Variants in CNGB3 observed in about 807,000 individuals in gnomAD.
CNGB3 encodes the protein cyclic nucleotide gated channel subunit beta 3.
A neutral mutation model predicts 92.8 loss-of-function variants in CNGB3; 86 were observed. The ratio of observed to expected loss-of-function variants is 0.93; its 90% confidence interval spans 0.78 to 1.11. The LOEUF (loss-of-function observed/expected upper bound fraction) is 1.11. Ranked by LOEUF, CNGB3 falls within the 50% of genes least tolerant of loss-of-function variation. The probability of loss-of-function intolerance (pLI) is 0.00; values close to 1 mark genes in which losing one functional copy is unlikely to be tolerated. For missense variants in CNGB3, 1,026 were observed against 956.8 expected (o/e 1.07, Z -0.95); for synonymous variants, 333 against 332.7 (o/e 1.00, Z -0.01).
chr8:86,742,492 G>A (rs1825359977), intron 1 of CNGB3, among the ~76,000 whole-genome samples: 1 of 152,080 alleles, frequency 6.6e-6, no homozygotes. Context: ...TCTCAGTGTT[G>A]TCTATCCTCT....
chr8:86,743,052 C>G (rs962184570), intron 1 of CNGB3, among the ~76,000 whole-genome samples: 5 of 152,026 alleles, frequency 3.3e-5, no homozygotes, highest in Admixed American at 3.3e-4. Flanking sequence ...TGAAAGTGTC[C>G]CCAGATTTGC....
intron 14 of CNGB3, among the ~76,000 whole-genome samples, chr8:86,605,782 A>T (rs1004507062): frequency 6.6e-6 from 1 of 152,152 alleles, no homozygotes; most frequent in Admixed American, 6.5e-5. Context: ...TCTCTGGGAG[A>T]TTCTAAAGTC....
chr8:86,596,161 A>T (rs1240568096), intron 15 of CNGB3, among the ~76,000 whole-genome samples: 1 of 152,212 alleles, frequency 6.6e-6, no homozygotes, highest in African/African-American at 2.4e-5. Flanking sequence ...TGGAGGAACT[A>T]TTATTTCCAG....
chr8:86,650,374 C>T (rs1254039782), intron 7 of CNGB3, among the ~76,000 whole-genome samples: 1 of 151,494 alleles, frequency 6.6e-6, no homozygotes, highest in Non-Finnish European at 1.5e-5. Context: ...ATCCAGCAAT[C>T]CCACTACTGG....
intron 3 of CNGB3, chr8:86,707,965 A>G (rs1221825080): frequency 6.6e-6 from 1 of 152,246 alleles, no homozygotes; most frequent in Non-Finnish European, 1.5e-5. Flanking sequence ...TGAGATGGGG[A>G]AAACTGCAGG....
intron 15 of CNGB3, among the ~76,000 whole-genome samples, chr8:86,582,209 C>T (rs1205688892): frequency 4.6e-5 from 7 of 152,000 alleles, no homozygotes; most frequent in Non-Finnish European, 1.0e-4. Context: ...GCCTGGGCAA[C>T]ATGGTCAAAC....
At chr8:86,663,184 T>C (rs1432986178) in intron 6 of CNGB3, among the ~76,000 whole-genome samples, 1 of 152,174 alleles carries the variant, frequency 6.6e-6, no homozygotes, top group Non-Finnish European at 1.5e-5. Context: ...AAGCAGTTGA[T>C]TATAAAGGAA....
chr8:86,646,755 T>C (rs2131596455), intron 8 of CNGB3, among the ~76,000 whole-genome samples: 1 of 151,314 alleles, frequency 6.6e-6, no homozygotes, highest in South Asian at 2.1e-4. Context: ...TTTGGAAATA[T>C]ATTGTTGCTA....
At chr8:86,739,303 A>G (rs75900960) in intron 2 of CNGB3, among the ~76,000 whole-genome samples, 1,665 of 152,282 alleles carry the variant, frequency 0.011, 31 homozygotes, top group African/African-American at 0.037. Flanking sequence ...TTGCTTATCA[A>G]TGTCTGAAAT....
chr8:86,617,630 A>G (rs1389204451), intron 13 of CNGB3, among the ~76,000 whole-genome samples: 1 of 152,202 alleles, frequency 6.6e-6, no homozygotes, highest in African/African-American at 2.4e-5. Context: ...TCTAAGTAAT[A>G]TTAGACCTAA....
At chr8:86,717,213 A>G (rs1460372974) in intron 3 of CNGB3, among the ~76,000 whole-genome samples, 1 of 152,146 alleles carries the variant, frequency 6.6e-6, no homozygotes, top group Non-Finnish European at 1.5e-5. Context: ...TCCTACATTT[A>G]TAAAACAATT....
At chr8:86,597,249 G>A (rs1364757325) in intron 15 of CNGB3, among the ~76,000 whole-genome samples, 1 of 152,122 alleles carries the variant, frequency 6.6e-6, no homozygotes, top group Non-Finnish European at 1.5e-5. Context: ...AGAGTGAAAG[G>A]TAACTGTGCA....
At position 86,592,606 on chromosome 8, in the gene CNGB3, G is replaced by T. The variant is rs115936922; in HGVS notation, c.1781+11487C>A. ...AGCCTTCTTAAGCAGATGCAATTTA[G>T]AATGATTAATGCTTTAATAATTGTA... On this transcript the variant is annotated intron_variant, in intron 15 of 17. Transcript: ENST00000320005. Among the ~76,000 whole-genome samples, 138 of 152,180 alleles carry T rather than the reference G, an allele frequency of 9.1e-4. 2 individuals are homozygous for T. The highest frequency in any genetic ancestry group is 3.1e-3 in the African/African-American group (128 of 41,512).
chr8:86,690,608 G>T (rs953575006), intron 3 of CNGB3, among the ~76,000 whole-genome samples: 173 of 152,216 alleles, frequency 1.1e-3, no homozygotes, highest in African/African-American at 4.1e-3. Context: ...ATTGCTTTTG[G>T]TGTCTTAGAC....
At chr8:86,576,846 C>G (rs964655824) in intron 17 of CNGB3, among the ~76,000 whole-genome samples, 1 of 152,142 alleles carries the variant, frequency 6.6e-6, no homozygotes, top group Admixed American at 6.5e-5. Flanking sequence ...ATTATTATTT[C>G]TATGCTGATG....
In CNGB3 at chr8:86,667,054, G is replaced by A. The variant is rs376769582; in HGVS notation, c.723C>T (p.Val241=). 9.3e-6 allele frequency: 15 copies of A among 1,614,070 alleles called. No individual in the cohort carries two copies. In the African/African-American group the frequency reaches 1.3e-4, roughly 14 times the overall value. Residue 241 remains valine (V), a synonymous_variant, in exon 6 of 18, where the codon GTC becomes GTT. Transcript: ENST00000320005. ...WNCCFIPLRL[V]FPYQTADNIH... is the part of the protein sequence containing the mutation. ...TGTTGTCTGCGGTTTGATATGGGAA[G>A]ACGAGGCGCAGTGGTATAAAACAGC...
At chr8:86,620,065 C>T (rs953618038) in intron 13 of CNGB3, among the ~76,000 whole-genome samples, 1 of 152,080 alleles carries the variant, frequency 6.6e-6, no homozygotes, top group Non-Finnish European at 1.5e-5. Flanking sequence ...TTCCTTCCCA[C>T]CTTATCAGTG....
chr8:86,653,408 T>C (rs921520994), intron 7 of CNGB3, among the ~76,000 whole-genome samples: 1 of 152,118 alleles, frequency 6.6e-6, no homozygotes, highest in Non-Finnish European at 1.5e-5. Context: ...CCCAGATTTG[T>C]ATTTTTAAAC....
chr8:86,692,249 G>T (rs1302773212), intron 3 of CNGB3, among the ~76,000 whole-genome samples: 1 of 152,118 alleles, frequency 6.6e-6, no homozygotes, highest in Non-Finnish European at 1.5e-5. Context: ...TCCATTTGTT[G>T]TAGTTTATAG....
Sources: allele counts gnomAD v4.1 joint callset (sites outside exome capture counted in the v4.1 genomes callset), GRCh38; gene constraint gnomAD v4.1.1; transcripts MANE v1.5; gene names NCBI Gene and HGNC (gene_info 2026-07-23, HGNC 2026-07-21).